KANSL1: variants seen among roughly 807,000 people sequenced by gnomAD.
The protein encoded by KANSL1 is MLL1/MLL complex subunit KANSL1.
Under a neutral mutation model 103.6 loss-of-function variants are expected in KANSL1, and 22 were observed. That is an observed-to-expected ratio of 0.21 (90% CI 0.15 to 0.30). The LOEUF is 0.30. KANSL1 is among the 10% of genes least tolerant of loss of function. The pLI, the probability that KANSL1 is intolerant of heterozygous loss-of-function variation, is 1.00. For synonymous variants in KANSL1, 600 were observed against 527.6 expected, an observed-to-expected ratio of 1.14 and a Z score of -1.88; for missense variants, 1,337 against 1,399.8, an observed-to-expected ratio of 0.96 and a Z score of 0.72.
chr17:46,097,292 C>G (rs1314809151), intron 2 of KANSL1, among the ~76,000 whole-genome samples: 1 of 152,266 alleles, frequency 6.6e-6, no homozygotes, highest in South Asian at 2.1e-4. Context: ...TAAGTACACA[C>G]AAGTAGTGAA....
rs368300062 is a variant in KANSL1, at chr17:46,171,508, A to G, written c.636T>C (p.His212=). 6 of 1,613,952 alleles carry G rather than the reference A, an allele frequency of 3.7e-6. No homozygotes were observed. The African/African-American group carries it at 5.3e-5, about 14-fold the overall frequency. ...KGGMTNCTLP[H]RSLDVEHTTL... ...TTGTGTGTTCTACATCAAGGCTTCT[A>G]TGTGGAAGAGTGCAATTGGTCATAC... Residue 212 remains histidine, a synonymous_variant, in exon 2 of 15, where the codon CAT becomes CAC. Transcript: ENST00000432791.
chr17:46,091,257 A>C (rs1206106628), intron 3 of KANSL1, among the ~76,000 whole-genome samples: 1 of 152,246 alleles, frequency 6.6e-6, no homozygotes, highest in African/African-American at 2.4e-5. Context: ...TTAAAGATAG[A>C]AAAAAGCTTG....
Position 46,139,849 on chromosome 17 carries a change from GAAAGA to G in KANSL1, c.1289+31001_1289+31005del, listed in dbSNP as rs201550892. 1.3e-3 allele frequency among the ~76,000 whole-genome samples: 203 copies of G among 152,100 alleles called. 1 individual carries two copies. Among genetic ancestry groups the G allele is most frequent in the East Asian group, 0.01 (52 of 5,178 alleles). On this transcript the variant is annotated intron_variant, in intron 2 of 14. Transcript: ENST00000432791. ...TTAAAAAAAGAGGAAGGAATGAAGGGAAAGAAAAGAAAAGAAAAAGGAGAGAGGGA... is the reference window on the plus strand; with the variant it reads ...TTAAAAAAAGAGGAAGGAATGAAGGGAAAGAAAAGAAAAAGGAGAGAGGGA...
intron 2 of KANSL1, among the ~76,000 whole-genome samples, chr17:46,129,884 C>T (rs1353684751): frequency 6.6e-6 from 1 of 152,056 alleles, no homozygotes; most frequent in Non-Finnish European, 1.5e-5. Flanking sequence ...AGTGACCATA[C>T]ATTAGAATCA....
At chr17:46,177,663 T>TA (rs1204025761) in intron 1 of KANSL1, among the ~76,000 whole-genome samples, 1 of 152,240 alleles carries the variant, frequency 6.6e-6, no homozygotes, top group African/African-American at 2.4e-5. Flanking sequence ...TTGGCTTATG[T>TA]AAAGTCTCCA....
intron 2 of KANSL1, among the ~76,000 whole-genome samples, chr17:46,125,068 A>AGGGAGGGAGAGAG (rs1475515204): frequency 4.3e-5 from 1 of 23,020 alleles, no homozygotes; most frequent in African/African-American, 1.7e-4. Flanking sequence ...GGAGGGAGGG[A>AGGGAGGGAGAGAG]GGAGGGAGGG....
intron 1 of KANSL1, chr17:46,192,385 T>G (rs1290581222): frequency 6.6e-6 from 1 of 151,246 alleles, no homozygotes. Context: ...GCAACAAAAA[T>G]AATAAATGAA....
intron 6 of KANSL1, among the ~76,000 whole-genome samples, chr17:46,059,417 G>A (rs1191114361): frequency 2.6e-5 from 4 of 151,882 alleles, no homozygotes; most frequent in Non-Finnish European, 4.4e-5. Context: ...TCAGGAGTTC[G>A]AAACCAGCTT....
chr17:46,112,785 A>G (rs1271671477), intron 2 of KANSL1, among the ~76,000 whole-genome samples: 2 of 151,576 alleles, frequency 1.3e-5, no homozygotes, highest in Non-Finnish European at 2.9e-5. Flanking sequence ...GCAATGGCAC[A>G]ATCTTGGCTC....
At chr17:46,098,997 CAAG>C (rs938043408) in intron 2 of KANSL1, among the ~76,000 whole-genome samples, 2 of 152,190 alleles carry the variant, frequency 1.3e-5, no homozygotes, top group African/African-American at 4.8e-5. Context: ...AACAGTAACA[CAAG>C]AATAAGAGCT....
intron 2 of KANSL1, among the ~76,000 whole-genome samples, chr17:46,136,214 C>A (rs2044133408): frequency 6.6e-6 from 1 of 152,068 alleles, no homozygotes; most frequent in African/African-American, 2.4e-5. Context: ...CACAAAAAGA[C>A]CTTAATTTTA....
intron 2 of KANSL1, among the ~76,000 whole-genome samples, chr17:46,157,758 T>A (rs1263618905): frequency 6.6e-6 from 1 of 152,240 alleles, no homozygotes; most frequent in Non-Finnish European, 1.5e-5. Flanking sequence ...CATATACAGT[T>A]GGGCAGAAGC....
intron 10 of KANSL1, 121 bp from the exon 11 acceptor site, chr17:46,034,406 G>T: frequency 9.4e-7 from 1 of 1,059,984 alleles, no homozygotes; most frequent in Non-Finnish European, 1.4e-6. Context: ...TTGAAGCTGA[G>T]TAATGACCAT....
intron 2 of KANSL1, among the ~76,000 whole-genome samples, chr17:46,115,114 G>A (rs2042987064): frequency 6.6e-6 from 1 of 152,076 alleles, no homozygotes; most frequent in South Asian, 2.1e-4. Context: ...AGGCAGGAGT[G>A]CAATGCACAA....
At chr17:46,049,265 T>G (rs951307249) in intron 7 of KANSL1, 2 of 144,164 alleles carry the variant, frequency 1.4e-5, no homozygotes, top group Admixed American at 7.0e-5. Context: ...TTTTTTTTTT[T>G]GAGACAGTCT....
chr17:46,192,765 CGAG>C (rs534448299), intron 1 of KANSL1, 55 bp downstream of exon 1: 342 of 157,752 alleles, frequency 2.2e-3, no homozygotes, highest in Non-Finnish European at 3.7e-3. Flanking sequence ...ACAGGGAGAG[CGAG>C]GAGAAGGAGA....
intron 2 of KANSL1, among the ~76,000 whole-genome samples, chr17:46,148,591 T>TA: frequency 9.6e-6 from 1 of 103,906 alleles, no homozygotes; most frequent in East Asian, 2.0e-4. Context: ...TTCACTTACC[T>TA]TTTTTTTTTT....
chr17:46,129,829 T>G (rs963970461), intron 2 of KANSL1, among the ~76,000 whole-genome samples: 10 of 152,032 alleles, frequency 6.6e-5, no homozygotes, highest in African/African-American at 2.4e-4. Context: ...ACTAAGAAAT[T>G]TATAGGACTC....
chr17:46,036,181 C>G (rs1489099244), intron 10 of KANSL1, among the ~76,000 whole-genome samples: 1 of 152,186 alleles, frequency 6.6e-6, no homozygotes, highest in African/African-American at 2.4e-5. Flanking sequence ...GCTGGAGCTA[C>G]AGGCATGCAA....
Sources: gnomAD v4.1 joint callset for allele counts (sites outside exome capture counted in the v4.1 genomes callset) on GRCh38, gnomAD v4.1.1 for gene constraint, MANE v1.5 for transcripts, NCBI Gene and HGNC (gene_info 2026-07-23, HGNC 2026-07-21) for gene names.